The following MYOM3 variants were observed in gnomAD, a reference collection of about 807,000 sequenced individuals.
The protein encoded by MYOM3 is myomesin-3.
In MYOM3, 155 loss-of-function variants were observed where a neutral mutation model predicts 191.7. The ratio of observed to expected loss-of-function variants is 0.81; its 90% CI spans 0.71 to 0.92. The LOEUF is 0.92. Ranked by LOEUF, MYOM3 falls within the 40% of genes least tolerant of loss-of-function variation. MYOM3 has a pLI of 0.00. For missense variants in MYOM3, 1,889 were observed against 1,890.6 expected, an observed-to-expected ratio of 1.00 and a Z score of 0.02; for synonymous variants, 757 against 762.9, an observed-to-expected ratio of 0.99 and a Z score of 0.13.
chr1:24,066,336 A>G, intron 28 of MYOM3: 1 of 666,216 alleles, frequency 1.5e-6, no homozygotes, highest in Admixed American at 2.2e-5. Context: ...CTGTTTTCCA[A>G]TGGTCCTGCC....
chr1:24,080,728 CGTT>C (rs1364402981), intron 19 of MYOM3, among the ~76,000 whole-genome samples: 1 of 152,124 alleles, frequency 6.6e-6, no homozygotes, highest in Non-Finnish European at 1.5e-5. Flanking sequence ...AATAAATACT[CGTT>C]GTTTATAATT....
chr1:24,061,413 C>T (rs546617046), intron 33 of MYOM3, 104 bp from the exon 34 acceptor site: 42 of 1,129,028 alleles, frequency 3.7e-5, no homozygotes, highest in South Asian at 3.6e-4. Context: ...CTGTCCTCCA[C>T]TCTCCTCCCC....
Position 24,107,036 on chromosome 1 carries a change from G to T in MYOM3, c.402+37C>A, listed in dbSNP as rs111774560. 1,546 of 1,568,976 alleles carry T rather than the reference G, an allele frequency of 9.9e-4. 4 individuals are homozygous for T. Among genetic ancestry groups the T allele is most frequent in the African/African-American group, 5.7e-3 (424 of 74,062 alleles). On this transcript the variant is annotated intron_variant, in intron 4 of 36. Coordinates refer to ENST00000374434, the MANE Select transcript of MYOM3 (RefSeq NM_152372.4). ...GATGGCAGCAAGTGGTGCGTCGCAG[G>T]TCCCAGGCCCTGGGGCTCCACGGCC...
At position 24,084,552 on chromosome 1, in the gene MYOM3, T is replaced by C. The variant is rs1247457197; in HGVS notation, c.1886A>G (p.Glu629Gly). 6.2e-7 allele frequency: 1 copy of C among 1,613,850 alleles called. No homozygotes were observed. The change falls in exon 16 of 37, where the codon GAG becomes GGG. Residue 629 changes from glutamate to glycine, a missense_variant. Physicochemically the swap from Glu to Gly is moderately conservative, Grantham distance 98. Transcript: ENST00000374434. ...GGAGTAGATGTAATAACCCAGGAGC[T>C]CTGGGTCTTTCACAGGATCCCATGT... ...SLTWDPVKDP[E>G]LLGYYIYSRK...
chr1:24,106,621 A>T (rs563987469), intron 4 of MYOM3, among the ~76,000 whole-genome samples: 1 of 152,164 alleles, frequency 6.6e-6, no homozygotes, highest in Non-Finnish European at 1.5e-5. Context: ...CTCACTCTGT[A>T]GCCCAGGCTG....
rs1272923840 is a variant in MYOM3 at position 24,067,009 on chromosome 1, G to T, written c.3423+12C>A. The T allele has an allele frequency of 2.6e-6, 4 of 1,562,736 alleles. No homozygotes were observed. Among genetic ancestry groups the T allele is most frequent in the Middle Eastern group, 3.4e-4 (2 of 5,952 alleles). On this transcript the variant is annotated intron_variant, in intron 28 of 36. Transcript: ENST00000374434. ...TGCACTGGGCCTGGGGGCAGGGCAG[G>T]GCAGGACTTGCCTTGCACGTCAGCT...
rs3923546 is a variant in MYOM3, at chr1:24,087,587, T to C, written c.1615-760A>G. ...GGTCCCTCAGCCTGGAATGTTCTTC[T>C]CCGAGAAATCTCTTGGCTTCCTGTA... On this transcript the variant is annotated intron_variant, in intron 14 of 36. Transcript: ENST00000374434. This position sits in a 1 kb window ranked among gnomAD's most constrained non-coding sequence, Gnocchi z 4.5. Among the ~76,000 whole-genome samples the C allele has an allele frequency of 0.61, 92,610 of 151,872 alleles. 28,481 individuals carry two copies. Among genetic ancestry groups the C allele is most frequent in the East Asian group, 0.94 (4,840 of 5,160 alleles).
intron 32 of MYOM3, among the ~76,000 whole-genome samples, chr1:24,062,887 TG>T (rs1346895461): frequency 6.6e-6 from 1 of 152,216 alleles, no homozygotes; most frequent in African/African-American, 2.4e-5. Context: ...CCACCTTCCC[TG>T]GGGATCTCGG....
intron 32 of MYOM3, among the ~76,000 whole-genome samples, chr1:24,062,676 C>G (rs1643384748): frequency 6.6e-6 from 1 of 152,164 alleles, no homozygotes; most frequent in South Asian, 2.1e-4. Context: ...CCCACAGACC[C>G]TTTTCCTGCA....
intron 29 of MYOM3, 134 bp from the exon 30 acceptor site, chr1:24,064,293 T>C: frequency 3.2e-6 from 2 of 627,324 alleles, no homozygotes; most frequent in Non-Finnish European, 5.5e-6. Flanking sequence ...TTCTCCTCCC[T>C]GGGCCTCCAT....
chr1:24,064,351 G>C, intron 29 of MYOM3, 192 bp from the exon 30 acceptor site: 1 of 550,402 alleles, frequency 1.8e-6, no homozygotes. Flanking sequence ...CAGCTCCAGA[G>C]CCCTTGGATT....
rs1644013346 is a variant in MYOM3, at chr1:24,108,490, C to A, written c.147G>T (p.Arg49=). The A allele has an allele frequency of 1.9e-6, 3 of 1,564,854 alleles. No homozygotes were observed. Among genetic ancestry groups the A allele is most frequent in the Non-Finnish European group, 1.7e-6 (2 of 1,154,136 alleles). The change falls in exon 2 of 37, where the codon CGG becomes CGT. Residue 49 remains arginine, a synonymous_variant. Transcript: ENST00000374434. The stretch of plus-strand genomic sequence containing the variant: ...GTGGCTCCCACCTGCTGCGGAAGGT[C>A]CGCCTCCGCACAGAGGAGCCCATGC... The part of the protein sequence containing the change: ...SLRMGSSVRR[R]TFRSSEEEHE...
At chr1:24,099,299 GGTGCATATGT>G (rs1273184302) in intron 6 of MYOM3, among the ~76,000 whole-genome samples, 4 of 152,198 alleles carry the variant, frequency 2.6e-5, no homozygotes, top group African/African-American at 9.7e-5. Context: ...TGTGTGCACA[GGTGCATATGT>G]GTGCATATTA....
chr1:24,066,413 AGT>A, intron 28 of MYOM3: 1 of 597,162 alleles, frequency 1.7e-6, no homozygotes, highest in Non-Finnish European at 3.0e-6. Context: ...TACCGTGCAG[AGT>A]GGCACAAAAT....
intron 5 of MYOM3, among the ~76,000 whole-genome samples, chr1:24,101,698 A>T (rs1369225140): frequency 6.6e-6 from 1 of 152,090 alleles, no homozygotes. Context: ...GCTGTAGCAA[A>T]CCATGATTGT....
intron 35 of MYOM3, among the ~76,000 whole-genome samples, chr1:24,060,270 A>C (rs1041259564): frequency 6.6e-6 from 1 of 152,092 alleles, no homozygotes; most frequent in Admixed American, 6.5e-5. Context: ...TTCTCACTGC[A>C]TGGCCACTTA....
chr1:24,078,848 C>A (rs1643633494), intron 20 of MYOM3, among the ~76,000 whole-genome samples: 1 of 152,156 alleles, frequency 6.6e-6, no homozygotes, highest in Non-Finnish European at 1.5e-5. Context: ...CTTCAAGTGA[C>A]TTCTTTGTTT....
chr1:24,104,544 C>T (rs746835916), intron 5 of MYOM3, among the ~76,000 whole-genome samples: 1 of 152,070 alleles, frequency 6.6e-6, no homozygotes, highest in South Asian at 2.1e-4. Context: ...GGCACAATCT[C>T]GGCTCACTGC....
intron 5 of MYOM3, 132 bp from the exon 6 acceptor site, chr1:24,099,907 A>G (rs747219755): frequency 7.4e-6 from 5 of 679,782 alleles, no homozygotes; most frequent in South Asian, 7.2e-5. Context: ...TTGCTTTGTC[A>G]CCCAGGCTGG....
Sources: allele counts gnomAD v4.1 joint callset (sites outside exome capture counted in the v4.1 genomes callset), GRCh38; gene constraint gnomAD v4.1.1; non-coding constraint Gnocchi (gnomAD v3.1); transcripts MANE v1.5; gene names NCBI Gene and HGNC (gene_info 2026-07-23, HGNC 2026-07-21).